The following SMPDL3B variants were observed in gnomAD, a reference collection of about 807,000 sequenced individuals.
The protein encoded by SMPDL3B is acid sphingomyelinase-like phosphodiesterase 3b.
In SMPDL3B, 31 loss-of-function variants were observed where a neutral mutation model predicts 37.9. The ratio of observed to expected loss-of-function variants is 0.82; its 90% CI spans 0.61 to 1.10. The LOEUF is 1.10. Among genes scored for constraint, SMPDL3B ranks in the 50% least tolerant of loss-of-function variants. SMPDL3B has a pLI of 0.00. For synonymous variants in SMPDL3B, 235 were observed against 242.6 expected (o/e 0.97, Z 0.29); for missense variants, 525 against 597.8 (o/e 0.88, Z 1.27).
chr1:27,955,273 A>G (rs1049486853), intron 5 of SMPDL3B, among the ~76,000 whole-genome samples: 40 of 152,248 alleles, frequency 2.6e-4, no homozygotes, highest in Non-Finnish European at 4.4e-4. Context: ...AGGTGTTGTC[A>G]GATGAGTGAC....
intron 3 of SMPDL3B, 44 bp from the exon 4 acceptor site, chr1:27,953,171 G>C (rs2090467658): frequency 1.3e-6 from 2 of 1,533,920 alleles, no homozygotes; most frequent in African/African-American, 2.8e-5. Flanking sequence ...ACTCCCCCGA[G>C]TGCTTTTGCA....
intron 7 of SMPDL3B, among the ~76,000 whole-genome samples, chr1:27,957,926 G>A (rs1458494571): frequency 6.6e-6 from 1 of 152,188 alleles, no homozygotes. Flanking sequence ...GAGTGGCCAT[G>A]CATACGGGCA....
intron 2 of SMPDL3B, 170 bp from the exon 3 acceptor site, chr1:27,948,895 A>G: frequency 2.3e-6 from 3 of 1,285,284 alleles, no homozygotes; most frequent in Non-Finnish European, 3.3e-6. Context: ...GGCAAAGCCT[A>G]GTTCTCAGCT....
intron 1 of SMPDL3B, among the ~76,000 whole-genome samples, chr1:27,936,817 G>A (rs1380743170): frequency 6.6e-6 from 1 of 152,146 alleles, no homozygotes; most frequent in Admixed American, 6.5e-5. Context: ...AGGAGATTGA[G>A]ACAATCCTGG....
intron 3 of SMPDL3B, among the ~76,000 whole-genome samples, chr1:27,950,045 G>A (rs1237850623): frequency 6.6e-6 from 1 of 152,172 alleles, no homozygotes; most frequent in Non-Finnish European, 1.5e-5. Context: ...CAATTTTACT[G>A]ATGAGGGAGG....
intron 1 of SMPDL3B, among the ~76,000 whole-genome samples, chr1:27,935,671 G>A (rs559333057): frequency 1.3e-5 from 2 of 152,318 alleles, no homozygotes; most frequent in Non-Finnish European, 1.5e-5. Flanking sequence ...ACACGAACAA[G>A]TAAAGTACGC....
In SMPDL3B at chr1:27,949,143, C is replaced by A; in HGVS notation, c.354C>A (p.Leu118=). 6.2e-7 allele frequency: 1 copy of A among 1,614,200 alleles called. No individual in the cohort carries two copies. Among genetic ancestry groups the A allele is most frequent in the Non-Finnish European group, 8.5e-7 (1 of 1,180,028 alleles). Residue 118 remains leucine, a synonymous_variant, in exon 3 of 8, where the codon CTC becomes CTA. Coordinates refer to ENST00000373894, the MANE Select transcript of SMPDL3B (RefSeq NM_014474.4). ...VLEIVERLTK[L]IREVFPDTKV... ...AAATTGTGGAACGCCTGACCAAGCT[C>A]ATCAGAGAGGTCTTTCCAGGTAAGA...
chr1:27,950,377 T>C (rs2090446146), intron 3 of SMPDL3B, among the ~76,000 whole-genome samples: 1 of 152,192 alleles, frequency 6.6e-6, no homozygotes, highest in Non-Finnish European at 1.5e-5. Context: ...CAAACTCAGA[T>C]CCAACTGGGA....
chr1:27,951,817 G>A (rs1218884167), intron 3 of SMPDL3B, among the ~76,000 whole-genome samples: 6 of 152,190 alleles, frequency 3.9e-5, no homozygotes, highest in Non-Finnish European at 7.3e-5. Flanking sequence ...CCACTGCACT[G>A]CAGCCTGGGA....
intron 5 of SMPDL3B, 123 bp downstream of exon 5, chr1:27,954,649 G>C: frequency 1.1e-6 from 1 of 878,298 alleles, no homozygotes; most frequent in East Asian, 2.6e-5. Flanking sequence ...TTATCAGCCC[G>C]GCACCAGCAG....
rs373871120 is a variant in SMPDL3B, at chr1:27,955,761, T to C, written c.768T>C (p.Asn256=). Residue 256 remains asparagine (N), a synonymous_variant, in exon 6 of 8, where the codon AAT becomes AAC. Transcript: ENST00000373894. ...AGGCATGGTTCCGGGAGGGCTTCAATGAAAAATACCTGAAGGTGGTCCGGA... is the reference window on the plus strand; with the variant it reads ...AGGCATGGTTCCGGGAGGGCTTCAACGAAAAATACCTGAAGGTGGTCCGGA... ...QNKAWFREGF[N]EKYLKVVRKH... is the part of the protein sequence containing the mutation. The C allele has an allele frequency of 5.6e-6, 9 of 1,613,948 alleles. No homozygotes were observed. Among genetic ancestry groups the C allele is most frequent in the East Asian group, 2.2e-5 (1 of 44,876 alleles).
chr1:27,956,151 C>T (rs775883543), intron 7 of SMPDL3B, 69 bp downstream of exon 7: 2 of 1,613,662 alleles, frequency 1.2e-6, no homozygotes, highest in South Asian at 2.2e-5. Context: ...CCTTCCCTCA[C>T]TCTCAGCTTA....
At chr1:27,956,539 G>A in intron 7 of SMPDL3B, 3 of 1,054,364 alleles carry the variant, frequency 2.8e-6, no homozygotes, top group Non-Finnish European at 2.3e-6. Context: ...GTACACAGAC[G>A]AGGCTCCAGC....
At chr1:27,947,193 C>T (rs570025096) in intron 2 of SMPDL3B, among the ~76,000 whole-genome samples, 10 of 152,096 alleles carry the variant, frequency 6.6e-5, no homozygotes, top group African/African-American at 1.7e-4. Flanking sequence ...TGCGCCACCA[C>T]GCCCGGCTAA....
Position 27,935,246 on chromosome 1 carries a change from T to C in SMPDL3B, c.61+2T>C. ...GGGGAGGTGCCAGGGCTGAACCAGG[T>C]ACAGCACTGGGAATGTCTGCTATGC... is the stretch of plus-strand genomic sequence containing the variant. On this transcript the variant is annotated splice_donor_variant, in intron 1 of 7. Transcript: ENST00000373894. LOFTEE classifies it high-confidence loss of function. 1 of 1,610,606 alleles carries C rather than the reference T, an allele frequency of 6.2e-7. No homozygotes were observed. Among genetic ancestry groups the C allele is most frequent in the Non-Finnish European group, 8.5e-7 (1 of 1,176,816 alleles).
chr1:27,939,654 CA>C, intron 1 of SMPDL3B, among the ~76,000 whole-genome samples: 1 of 152,170 alleles, frequency 6.6e-6, no homozygotes, highest in South Asian at 2.1e-4. Context: ...CCCACCTCTA[CA>C]AAAAAGTACA....
In SMPDL3B at chr1:27,946,575, G is replaced by A. The variant is rs114122218; in HGVS notation, c.275+1130G>A. On this transcript the variant is annotated intron_variant, in intron 2 of 7. Coordinates refer to ENST00000373894, the MANE Select transcript of SMPDL3B (RefSeq NM_014474.4). Reference sequence around the variant, plus strand: ...CCAAGCAAGGAGAGAGAGTCACCTGGGGGGATGTGGGAACTTCACAGGGCA... The same window carrying A: ...CCAAGCAAGGAGAGAGAGTCACCTGAGGGGATGTGGGAACTTCACAGGGCA... Among the ~76,000 whole-genome samples, 435 of 152,236 alleles carry A rather than the reference G, an allele frequency of 2.9e-3. 2 individuals are homozygous for A. The highest frequency in any genetic ancestry group is 0.014 in the Middle Eastern group (4 of 294).
intron 1 of SMPDL3B, among the ~76,000 whole-genome samples, chr1:27,940,422 G>A (rs1297894573): frequency 1.5e-5 from 2 of 132,618 alleles, no homozygotes; most frequent in Non-Finnish European, 3.2e-5. Flanking sequence ...CAAATGTGGA[G>A]TAACCACTGC....
chr1:27,939,800 TTTTG>T (rs1029826072), intron 1 of SMPDL3B, among the ~76,000 whole-genome samples: 3 of 138,816 alleles, frequency 2.2e-5, no homozygotes, highest in South Asian at 4.5e-4. Context: ...CAGCCTGGGT[TTTTG>T]TTTGTTTGTT....
Sources: allele counts gnomAD v4.1 joint callset (sites outside exome capture counted in the v4.1 genomes callset), GRCh38; gene constraint gnomAD v4.1.1; transcripts MANE v1.5; gene names NCBI Gene and HGNC (gene_info 2026-07-23, HGNC 2026-07-21).